GAP43: variants seen among roughly 807,000 people sequenced by gnomAD.
GAP43 encodes neuromodulin.
Under a neutral mutation model 18.6 loss-of-function variants are expected in GAP43, and 6 were observed. That is an observed-to-expected ratio of 0.32 (90% CI 0.18 to 0.64). The LOEUF is 0.64. Among genes scored for constraint, GAP43 ranks in the 30% least tolerant of loss-of-function variants. The pLI is 0.78. For synonymous variants in GAP43, 115 were observed against 111.4 expected (o/e 1.03, Z -0.20); for missense variants, 292 against 295.5 (o/e 0.99, Z 0.09).
chr3:115,701,414 A>G (rs1360851282), intron 2 of GAP43, among the ~76,000 whole-genome samples: 1 of 152,142 alleles, frequency 6.6e-6, no homozygotes, highest in South Asian at 2.1e-4. Flanking sequence ...AGCCCTACAC[A>G]CAATTGGCTC....
chr3:115,667,301 C>CA (rs1316549235), intron 1 of GAP43, among the ~76,000 whole-genome samples: 1 of 152,070 alleles, frequency 6.6e-6, no homozygotes, highest in Non-Finnish European at 1.5e-5. Flanking sequence ...AGGGGAAAGA[C>CA]AGAGAAGTGG....
chr3:115,652,389 A>ATTTTTTTTTT (rs1708531283), intron 1 of GAP43, among the ~76,000 whole-genome samples: 15 of 25,614 alleles, frequency 5.9e-4, no homozygotes, highest in African/African-American at 1.6e-3. Flanking sequence ...TTTTTTTGTG[A>ATTTTTTTTTT]TAGAGTCTTG....
intron 1 of GAP43, among the ~76,000 whole-genome samples, chr3:115,624,660 T>C (rs1015724536): frequency 1.3e-5 from 2 of 152,080 alleles, no homozygotes; most frequent in African/African-American, 4.8e-5. Context: ...CTGCCCAGGT[T>C]TTACAGCCAT....
chr3:115,640,945 TTCTC>T (rs2107470181), intron 1 of GAP43, among the ~76,000 whole-genome samples: 1 of 146,932 alleles, frequency 6.8e-6, no homozygotes, highest in African/African-American at 2.4e-5. Context: ...TTCTCTTTCT[TTCTC>T]CCTCCCTCCC....
chr3:115,640,612 C>G (rs541429806), intron 1 of GAP43, among the ~76,000 whole-genome samples: 1 of 152,206 alleles, frequency 6.6e-6, no homozygotes, highest in South Asian at 2.1e-4. Context: ...TGTCAGTCCA[C>G]TGTAAATTCA....
intron 1 of GAP43, among the ~76,000 whole-genome samples, chr3:115,635,665 G>C (rs1708319639): frequency 6.6e-6 from 1 of 150,884 alleles, no homozygotes; most frequent in Admixed American, 6.6e-5. Flanking sequence ...ATAAGCCCAA[G>C]AGAAACAGTA....
intron 2 of GAP43, among the ~76,000 whole-genome samples, chr3:115,694,874 A>C (rs1421065260): frequency 2.0e-5 from 3 of 152,218 alleles, no homozygotes; most frequent in African/African-American, 7.2e-5. Context: ...TTCCAATGGG[A>C]AAGATCTGGG....
intron 1 of GAP43, among the ~76,000 whole-genome samples, chr3:115,626,909 G>C (rs1430930027): frequency 6.6e-6 from 1 of 152,044 alleles, no homozygotes; most frequent in Non-Finnish European, 1.5e-5. Flanking sequence ...CTTGCTGCTT[G>C]GTGCAGGCGA....
At chr3:115,650,257 T>C (rs1708505826) in intron 1 of GAP43, among the ~76,000 whole-genome samples, 1 of 152,182 alleles carries the variant, frequency 6.6e-6, no homozygotes, top group Non-Finnish European at 1.5e-5. Flanking sequence ...TGTATTTCTA[T>C]GGTAAAGAGT....
At chr3:115,708,940 G>GTTTTTTTTTTTTTTTT (rs3086974) in intron 2 of GAP43, among the ~76,000 whole-genome samples, 8 of 99,804 alleles carry the variant, frequency 8.0e-5, no homozygotes, top group African/African-American at 1.2e-4. Context: ...AACTGGCTGG[G>GTTTTTTTTTTTTTTTT]TTTTTTTTTT....
chr3:115,704,814 A>G (rs754038311), intron 2 of GAP43, among the ~76,000 whole-genome samples: 9 of 152,116 alleles, frequency 5.9e-5, no homozygotes, highest in Non-Finnish European at 8.8e-5. Context: ...TGGACAAGTC[A>G]CAAAAACTCT....
chr3:115,682,040 AT>A (rs1467055923), intron 2 of GAP43, among the ~76,000 whole-genome samples: 1 of 152,222 alleles, frequency 6.6e-6, no homozygotes, highest in Admixed American at 6.5e-5. Flanking sequence ...TCTTTGGATA[AT>A]TGGATATTCC....
rs71141831 is a variant in GAP43 at position 115,652,356 on chromosome 3, C to CTTTTTTTTTTTTTT, written c.31-23641_31-23628dup. ...TTCCTGATGATTCTTATCCAGCATT[C>CTTTTTTTTTTTTTT]TTTTTTTTTTTTTTTTTTTTTTTTT... On this transcript the variant is annotated intron_variant, in intron 1 of 2. Coordinates refer to ENST00000305124, the MANE Select transcript of GAP43 (RefSeq NM_002045.4). Among the ~76,000 whole-genome samples, 22 of 43,808 alleles carry CTTTTTTTTTTTTTT rather than the reference C, an allele frequency of 5.0e-4. 3 individuals are homozygous for CTTTTTTTTTTTTTT. The highest frequency in any genetic ancestry group is 9.1e-4 in the East Asian group (1 of 1,104). The allele number at this position is 43,808 out of a possible 152,430, so 28.7% of individuals were successfully genotyped here. A position where few individuals can be genotyped will look rare whatever the true frequency, so the allele number is the denominator to read the frequency against.
At chr3:115,636,595 A>G (rs916659996) in intron 1 of GAP43, among the ~76,000 whole-genome samples, 2 of 152,154 alleles carry the variant, frequency 1.3e-5, no homozygotes, top group African/African-American at 4.8e-5. Context: ...CTCCAGGTGA[A>G]AAAAGGCTGG....
chr3:115,720,929 C>T lies in GAP43; in HGVS notation c.*47C>T, dbSNP rs767983863. ...CATCCCCACCCTCCCCTCTCCTGAG[C>T]CTGTCTCTCCCTACCCTCTTCTCAG... On this transcript the variant is annotated 3_prime_UTR_variant, in exon 3 of 3. Transcript: ENST00000305124. The T allele has an allele frequency of 2.4e-6, 3 of 1,261,984 alleles. No individual in the cohort carries two copies. Among genetic ancestry groups the T allele is most frequent in the Non-Finnish European group, 2.3e-6 (2 of 866,340 alleles). The allele number at this position is 1,261,984 out of a possible 1,614,324, so 78.2% of individuals were successfully genotyped here.
intron 2 of GAP43, among the ~76,000 whole-genome samples, chr3:115,698,248 AT>A (rs377609728): frequency 3.0e-5 from 1 of 33,422 alleles, no homozygotes; most frequent in Non-Finnish European, 5.8e-5. Context: ...AATATATATA[AT>A]ATATAATATA....
At position 115,676,602 on chromosome 3, in the gene GAP43, A is replaced by G; in HGVS notation, c.620A>G (p.Glu207Gly). The G allele has an allele frequency of 6.3e-7, 1 of 1,589,532 alleles. No homozygotes were observed. Among genetic ancestry groups the G allele is most frequent in the Non-Finnish European group, 8.5e-7 (1 of 1,169,684 alleles). Residue 207 changes from glutamate to glycine, a missense_variant, in exon 2 of 3, where the codon GAG (glutamate) becomes GGG (glycine). Physicochemically the swap from Glu to Gly is moderately conservative, Grantham distance 98 (BLOSUM62 -2). Transcript: ENST00000305124. ...TETGESSQAE[E>G]NIEAVDETKP... is the part of the protein sequence containing the mutation. ...ACTGGGGAGAGCAGCCAAGCTGAAG[A>G]GAACATAGGTGAGCAACCGCGAGGG...
At chr3:115,675,884 T>C (rs1708877121) in intron 1 of GAP43, 129 bp from the exon 2 acceptor site, 6 of 1,337,914 alleles carry the variant, frequency 4.5e-6, no homozygotes. Flanking sequence ...AGGGTACTGT[T>C]GAATTCTTAA....
At chr3:115,709,697 C>G (rs1260162884) in intron 2 of GAP43, among the ~76,000 whole-genome samples, 1 of 152,020 alleles carries the variant, frequency 6.6e-6, no homozygotes, top group Non-Finnish European at 1.5e-5. Context: ...GATGTACAAA[C>G]ATTGACTAAG....
Sources: allele counts gnomAD v4.1 joint callset (sites outside exome capture counted in the v4.1 genomes callset), GRCh38; gene constraint gnomAD v4.1.1; transcripts MANE v1.5; gene names NCBI Gene and HGNC (gene_info 2026-07-23, HGNC 2026-07-21).